The following PITPNB variants were observed in gnomAD, a reference collection of about 807,000 sequenced individuals.
The protein encoded by PITPNB is phosphatidylinositol transfer protein beta isoform.
In PITPNB, 16 loss-of-function variants were observed where a neutral mutation model predicts 45.9. The ratio of observed to expected loss-of-function variants is 0.35; its 90% CI spans 0.24 to 0.53. PITPNB has a LOEUF of 0.53. PITPNB is among the 20% of genes least tolerant of loss of function. PITPNB has a pLI of 0.93. For missense variants in PITPNB, 188 were observed against 330.5 expected (o/e 0.57, Z 3.34); for synonymous variants, 112 against 108.9 (o/e 1.03, Z -0.18).
intron 1 of PITPNB, among the ~76,000 whole-genome samples, chr22:27,918,898 C>G (rs775034196): frequency 3.9e-5 from 6 of 152,098 alleles, no homozygotes; most frequent in Non-Finnish European, 8.8e-5. Context: ...AGCGGAAACT[C>G]CCGGCCGCGC....
chr22:27,885,605 ACTCAAGCAATC>A (rs1376329805), intron 7 of PITPNB, among the ~76,000 whole-genome samples: 1 of 152,060 alleles, frequency 6.6e-6, no homozygotes, highest in African/African-American at 2.4e-5. Context: ...GAACTCCTGA[ACTCAAGCAATC>A]CTCCTGCCTC....
chr22:27,860,263 G>A (rs1934286587), intron 8 of PITPNB, 22 bp from the exon 9 acceptor site: 2 of 1,417,674 alleles, frequency 1.4e-6, no homozygotes, highest in Non-Finnish European at 2.0e-6. Flanking sequence ...AAATTGAAAA[G>A]GAGAAATTAT....
intron 7 of PITPNB, among the ~76,000 whole-genome samples, chr22:27,882,457 T>C (rs778780917): frequency 1.3e-5 from 2 of 152,226 alleles, no homozygotes; most frequent in African/African-American, 2.4e-5. Context: ...GACACTGTTC[T>C]TACTACCAAG....
At chr22:27,889,954 A>T (rs1420445276) in intron 7 of PITPNB, among the ~76,000 whole-genome samples, 1 of 152,246 alleles carries the variant, frequency 6.6e-6, no homozygotes, top group East Asian at 1.9e-4. Flanking sequence ...TCTGGTAAGA[A>T]GTAGTGACCT....
intron 3 of PITPNB, 188 bp from the exon 4 acceptor site, chr22:27,898,080 G>C (rs1023296345): frequency 1.8e-6 from 1 of 555,636 alleles, no homozygotes; most frequent in Non-Finnish European, 3.2e-6. Context: ...AAATAAAAAT[G>C]ATTAAGAATA....
chr22:27,892,165 AC>A (rs1421680499), intron 7 of PITPNB, among the ~76,000 whole-genome samples: 1 of 152,128 alleles, frequency 6.6e-6, no homozygotes, highest in Non-Finnish European at 1.5e-5. Flanking sequence ...CACCTGGAGC[AC>A]CTATCTCAAG....
At chr22:27,856,387 G>A (rs910659362) in intron 10 of PITPNB, among the ~76,000 whole-genome samples, 1 of 152,218 alleles carries the variant, frequency 6.6e-6, no homozygotes, top group African/African-American at 2.4e-5. Flanking sequence ...CACTGCCATA[G>A]GTGAGAGCAA....
At chr22:27,878,623 G>C (rs1379036280) in intron 7 of PITPNB, among the ~76,000 whole-genome samples, 2 of 152,140 alleles carry the variant, frequency 1.3e-5, no homozygotes, top group East Asian at 3.8e-4. Flanking sequence ...TAATCATTCA[G>C]ACAGGGGCTG....
At chr22:27,881,357 A>G (rs1469247439) in intron 7 of PITPNB, among the ~76,000 whole-genome samples, 1 of 152,238 alleles carries the variant, frequency 6.6e-6, no homozygotes, top group Non-Finnish European at 1.5e-5. Flanking sequence ...ATCTTGAGTT[A>G]GGAGCTGGGT....
chr22:27,861,200 G>A (rs1225608066), intron 8 of PITPNB, among the ~76,000 whole-genome samples: 1 of 151,988 alleles, frequency 6.6e-6, no homozygotes, highest in Non-Finnish European at 1.5e-5. Flanking sequence ...GGGGGTGGTG[G>A]TGGGAGCCTG....
At chr22:27,898,667 C>T (rs907435449) in intron 3 of PITPNB, among the ~76,000 whole-genome samples, 5 of 151,694 alleles carry the variant, frequency 3.3e-5, no homozygotes, top group Non-Finnish European at 7.4e-5. Context: ...TGTAAAGGAC[C>T]CATGCAGAAA....
At chr22:27,911,188 T>C (rs924616370) in intron 2 of PITPNB, 79 bp from the exon 3 acceptor site, 21 of 954,828 alleles carry the variant, frequency 2.2e-5, no homozygotes, top group South Asian at 5.7e-5. Context: ...CTTAATAATA[T>C]AGATGATATA....
chr22:27,854,591 A>G (rs1224256244), intron 11 of PITPNB, among the ~76,000 whole-genome samples: 6 of 152,250 alleles, frequency 3.9e-5, no homozygotes, highest in Non-Finnish European at 8.8e-5. Flanking sequence ...AATGTGCTAC[A>G]TGATGAGTAA....
chr22:27,912,983 C>CAAAAAAAA (rs35050003), intron 2 of PITPNB, among the ~76,000 whole-genome samples: 1 of 33,664 alleles, frequency 3.0e-5, no homozygotes. Flanking sequence ...ACTCCATCTC[C>CAAAAAAAA]AAAAAAAAAA....
intron 7 of PITPNB, among the ~76,000 whole-genome samples, chr22:27,877,351 G>C (rs1000112): frequency 0.066 from 10,078 of 152,244 alleles, 376 homozygotes; most frequent in Non-Finnish European, 0.084. Context: ...GGTATATTCG[G>C]ATTAGTGTTA....
intron 11 of PITPNB, among the ~76,000 whole-genome samples, chr22:27,854,118 G>C (rs1198682432): frequency 3.3e-5 from 5 of 151,850 alleles, no homozygotes; most frequent in Admixed American, 6.6e-5. Flanking sequence ...TGGAGGGAGG[G>C]GAGTGCTACA....
intron 7 of PITPNB, among the ~76,000 whole-genome samples, chr22:27,874,408 C>CA (rs1390416840): frequency 3.9e-5 from 6 of 152,166 alleles, no homozygotes; most frequent in Admixed American, 2.6e-4. Context: ...GGACTGCACT[C>CA]ACGTCATCCC....
intron 9 of PITPNB, among the ~76,000 whole-genome samples, chr22:27,858,841 A>G (rs1453192248): frequency 1.3e-5 from 2 of 152,218 alleles, no homozygotes; most frequent in East Asian, 1.9e-4. Context: ...CTAAATGTCA[A>G]TGAGCAAAGG....
intron 3 of PITPNB, among the ~76,000 whole-genome samples, chr22:27,905,213 T>C (rs2146416991): frequency 6.6e-6 from 1 of 152,352 alleles, no homozygotes; most frequent in South Asian, 2.1e-4. Flanking sequence ...ACAATCATTA[T>C]CTTGGCTCAC....
Sources: gnomAD v4.1 joint callset for allele counts (sites outside exome capture counted in the v4.1 genomes callset) on GRCh38, gnomAD v4.1.1 for gene constraint, MANE v1.5 for transcripts, NCBI Gene and HGNC (gene_info 2026-07-23, HGNC 2026-07-21) for gene names.